The following SLC9B1 variants were observed in gnomAD, a reference collection of about 807,000 sequenced individuals.
The protein encoded by SLC9B1 is solute carrier family 9 member B1.
Under a neutral mutation model 51.7 loss-of-function variants are expected in SLC9B1, and 32 were observed. The observed-to-expected ratio is 0.62, with a 90% confidence interval of 0.47 to 0.83. The LOEUF is 0.83. Ranked by LOEUF, SLC9B1 falls within the 40% of genes least tolerant of loss-of-function variation. The pLI, the probability that SLC9B1 is intolerant of heterozygous loss-of-function variation, is 0.00. For missense variants in SLC9B1, 406 were observed against 613.2 expected, an observed-to-expected ratio of 0.66 and a Z score of 3.57; for synonymous variants, 145 against 212.7, an observed-to-expected ratio of 0.68 and a Z score of 2.77.
chr4:103,006,652 T>A (rs1740803627), intron 1 of SLC9B1, among the ~76,000 whole-genome samples: 1 of 152,114 alleles, frequency 6.6e-6, no homozygotes, highest in African/African-American at 2.4e-5. Flanking sequence ...GAGGATAGCA[T>A]CATCCTGATA....
intron 11 of SLC9B1, among the ~76,000 whole-genome samples, chr4:102,893,632 C>G (rs1281818317): frequency 6.6e-6 from 1 of 152,018 alleles, no homozygotes; most frequent in African/African-American, 2.4e-5. Flanking sequence ...AAACATAAGA[C>G]AAAACTGTAG....
rs144427163 is a variant in SLC9B1 at position 102,932,149 on chromosome 4, T to C, written c.804A>G (p.Thr268=). The C allele has an allele frequency of 7.7e-4, 1,242 of 1,611,974 alleles. 5 individuals carry two copies. The highest frequency in any genetic ancestry group is 6.0e-4 in the Non-Finnish European group (710 of 1,179,790). The change falls in exon 7 of 12, where the codon ACA becomes ACG. Residue 268 remains threonine, a synonymous_variant. Transcript: ENST00000296422. The part of the protein sequence containing the change: ...DDILAITGFN[T]CLSIVFSSGG... ...CTGAGGAAAAGACTATGCTCAAGCA[T>C]GTATTGAATCCAGTGATAGCCAGAA... is the stretch of plus-strand genomic sequence containing the variant.
At chr4:102,904,771 C>G (rs188196166) in intron 11 of SLC9B1, among the ~76,000 whole-genome samples, 2 of 152,190 alleles carry the variant, frequency 1.3e-5, no homozygotes, top group East Asian at 3.9e-4. Flanking sequence ...CACTTGAGGT[C>G]AGGAGTTTGA....
intron 9 of SLC9B1, among the ~76,000 whole-genome samples, chr4:102,907,094 A>G (rs538863595): frequency 6.6e-6 from 1 of 152,370 alleles, no homozygotes; most frequent in South Asian, 2.1e-4. Flanking sequence ...ATAAAAACTG[A>G]GCACTTCAAT....
chr4:102,923,318 A>C (rs1413608320), intron 7 of SLC9B1, among the ~76,000 whole-genome samples: 1 of 152,218 alleles, frequency 6.6e-6, no homozygotes, highest in East Asian at 1.9e-4. Flanking sequence ...AAACCACATG[A>C]TTATCTTAAT....
At chr4:102,974,709 T>C (rs1738963132) in intron 3 of SLC9B1, among the ~76,000 whole-genome samples, 1 of 152,160 alleles carries the variant, frequency 6.6e-6, no homozygotes, top group South Asian at 2.1e-4. Flanking sequence ...AATATGAAAG[T>C]TCTACCAAAC....
At chr4:102,968,836 TATGC>T (rs1363729880) in intron 3 of SLC9B1, among the ~76,000 whole-genome samples, 1 of 152,148 alleles carries the variant, frequency 6.6e-6, no homozygotes, top group Non-Finnish European at 1.5e-5. Context: ...ACCCTAATAC[TATGC>T]TTTTCCAATG....
intron 6 of SLC9B1, among the ~76,000 whole-genome samples, chr4:102,933,636 T>A (rs574318085): frequency 1.3e-5 from 2 of 152,328 alleles, no homozygotes; most frequent in East Asian, 3.9e-4. Context: ...TGCTTCCAAG[T>A]TTACTCATGT....
intron 1 of SLC9B1, among the ~76,000 whole-genome samples, chr4:103,008,799 T>TTC (rs1185452543): frequency 7.1e-6 from 1 of 140,978 alleles, no homozygotes; most frequent in East Asian, 2.0e-4. Context: ...AACAGTTTCT[T>TTC]TTTTTTTTTT....
intron 7 of SLC9B1, among the ~76,000 whole-genome samples, chr4:102,928,527 C>T (rs1412174887): frequency 6.6e-6 from 1 of 152,202 alleles, no homozygotes; most frequent in East Asian, 1.9e-4. Flanking sequence ...CCAACTGTTC[C>T]ACCCTCTGCA....
intron 3 of SLC9B1, among the ~76,000 whole-genome samples, chr4:102,966,266 C>T (rs1367183008): frequency 6.6e-6 from 1 of 152,168 alleles, no homozygotes. Context: ...TGGCTCTGGC[C>T]CTGCAACAAA....
At chr4:102,943,504 T>TACACACACACAC (rs1319877290) in intron 6 of SLC9B1, among the ~76,000 whole-genome samples, 7,014 of 71,694 alleles carry the variant, frequency 0.098, 347 homozygotes, top group African/African-American at 0.27. Context: ...TATGTGTATG[T>TACACACACACAC]ATACACACAC....
intron 3 of SLC9B1, among the ~76,000 whole-genome samples, chr4:102,974,242 G>GAAAAA (rs141412944): frequency 0.16 from 8,402 of 53,190 alleles, 1,738 homozygotes; most frequent in African/African-American, 0.26. Flanking sequence ...GTCTAAAATT[G>GAAAAA]AAAAAAAAAA....
At position 102,979,478 on chromosome 4, in the gene SLC9B1, G is replaced by A. The variant is rs1739241445; in HGVS notation, c.211+10322C>T. ...GTCTGCTCATGATAGTGTTTTTGAG[G>A]CAAGTCCTTCCTCATAGTTAACTGC... On this transcript the variant is annotated intron_variant, in intron 3 of 11. Transcript: ENST00000296422. 3.9e-5 allele frequency among the ~76,000 whole-genome samples: 6 copies of A among 152,246 alleles called. No individual in the cohort carries two copies. In the South Asian group the frequency reaches 8.3e-4, roughly 21 times the overall value.
intron 7 of SLC9B1, among the ~76,000 whole-genome samples, chr4:102,913,620 A>C (rs1735443926): frequency 6.6e-6 from 1 of 152,040 alleles, no homozygotes; most frequent in South Asian, 2.1e-4. Flanking sequence ...GACTAAATTA[A>C]AGGAGCAAAA....
At chr4:102,968,781 A>G (rs2110496212) in intron 3 of SLC9B1, among the ~76,000 whole-genome samples, 1 of 152,314 alleles carries the variant, frequency 6.6e-6, no homozygotes, top group East Asian at 1.9e-4. Flanking sequence ...TTTCTTAGCC[A>G]AGGGAAGCCG....
intron 3 of SLC9B1, among the ~76,000 whole-genome samples, chr4:102,976,793 C>G (rs1396949043): frequency 6.6e-6 from 1 of 152,110 alleles, no homozygotes; most frequent in Admixed American, 6.6e-5. Context: ...AAAGAAAATT[C>G]ATAATTGAAA....
At chr4:102,980,130 C>T (rs1222809748) in intron 3 of SLC9B1, among the ~76,000 whole-genome samples, 1 of 152,182 alleles carries the variant, frequency 6.6e-6, no homozygotes, top group Non-Finnish European at 1.5e-5. Flanking sequence ...AAAAGAAACA[C>T]TTTTACACTG....
At chr4:102,919,772 C>T (rs1454390043) in intron 7 of SLC9B1, among the ~76,000 whole-genome samples, 5 of 152,238 alleles carry the variant, frequency 3.3e-5, no homozygotes, top group East Asian at 1.9e-4. Flanking sequence ...CCTGGCTCAG[C>T]GGGTCCCACA....
Sources: allele counts gnomAD v4.1 joint callset (sites outside exome capture counted in the v4.1 genomes callset), GRCh38; gene constraint gnomAD v4.1.1; transcripts MANE v1.5; gene names NCBI Gene and HGNC (gene_info 2026-07-23, HGNC 2026-07-21).